The following CHD6 variants were observed in gnomAD, a reference collection of about 807,000 sequenced individuals.
CHD6 encodes the protein chromodomain helicase DNA binding protein 6.
In CHD6, 50 loss-of-function variants were observed where a neutral mutation model predicts 276.9. The observed-to-expected ratio is 0.18, with a 90% confidence interval of 0.14 to 0.23. The LOEUF is 0.23. CHD6 is among the 10% of genes least tolerant of loss of function. The pLI is 1.00. For missense variants in CHD6, 2,564 were observed against 3,365.8 expected, an observed-to-expected ratio of 0.76 and a Z score of 5.89; for synonymous variants, 1,173 against 1,229.3, an observed-to-expected ratio of 0.95 and a Z score of 0.96.
chr20:41,545,645 G>C (rs570450526), intron 2 of CHD6, among the ~76,000 whole-genome samples: 3 of 152,172 alleles, frequency 2.0e-5, no homozygotes, highest in African/African-American at 7.2e-5. Context: ...CATACTACTA[G>C]TAAACTGAGT....
rs566417993 is a variant in CHD6 at position 41,447,626 on chromosome 20, TTTGAGGGAAATAAAATG to T, written c.3773+239_3773+255del. ...GTTTTAAAAGAAAATTTATAACACT[TTTGAGGGAAATAAAATG>T]AACTAACTCACCAAAAGCTAGGTTT... On this transcript the variant is annotated intron_variant, in intron 24 of 36. Transcript: ENST00000373233. Among the ~76,000 whole-genome samples, 44 of 152,302 alleles carry T rather than the reference TTTGAGGGAAATAAAATG, an allele frequency of 2.9e-4. No individual in the cohort carries two copies. The East Asian group carries it at 5.8e-3, about 20-fold the overall frequency.
At chr20:41,457,502 G>A (rs1430907406) in intron 17 of CHD6, 74 bp from the exon 18 acceptor site, 26 of 1,514,988 alleles carry the variant, frequency 1.7e-5, no homozygotes, top group Non-Finnish European at 2.3e-5. Context: ...ATAGGGGAGT[G>A]CTTAAATGTC....
chr20:41,451,174 G>C (rs1600890348), intron 22 of CHD6, 69 bp from the exon 23 acceptor site: 1 of 1,396,864 alleles, frequency 7.2e-7, no homozygotes. Flanking sequence ...TTTTAGAAGA[G>C]CTGGGCTGGG....
At chr20:41,525,151 G>A (rs2044497408) in intron 3 of CHD6, among the ~76,000 whole-genome samples, 1 of 152,178 alleles carries the variant, frequency 6.6e-6, no homozygotes, top group Non-Finnish European at 1.5e-5. Context: ...CACATGGCAA[G>A]ACTTGTCAAG....
At chr20:41,465,821 CAA>C (rs1463064533) in intron 17 of CHD6, among the ~76,000 whole-genome samples, 1 of 152,058 alleles carries the variant, frequency 6.6e-6, no homozygotes, top group East Asian at 1.9e-4. Flanking sequence ...AAAATGGTTC[CAA>C]AGTCAAATAC....
intron 1 of CHD6, among the ~76,000 whole-genome samples, chr20:41,577,484 C>A (rs187239858): frequency 4.6e-5 from 7 of 152,118 alleles, no homozygotes; most frequent in Non-Finnish European, 1.0e-4. Context: ...AATCTGGGGG[C>A]TATTTCTGCT....
In CHD6 at chr20:41,404,931, T is replaced by C. The variant is rs1191340960; in HGVS notation, c.7810A>G (p.Ser2604Gly). The change falls in exon 37 of 37, where the codon AGT becomes GGT. Residue 2604 changes from serine to glycine, a missense_variant. Coordinates refer to ENST00000373233, the MANE Select transcript of CHD6 (RefSeq NM_032221.5). ...AATGGGTTAAAAGCCACAGGACTAC[T>C]AGTAGTTATTGCAGGTTCAGACTGA... ...SDQSEPAITT[S>G]SPVAFNPFLI... 1 of 1,614,116 alleles carries C rather than the reference T, an allele frequency of 6.2e-7. No homozygotes were observed. Among genetic ancestry groups the C allele is most frequent in the Admixed American group, 1.7e-5 (1 of 60,028 alleles).
intron 17 of CHD6, among the ~76,000 whole-genome samples, chr20:41,462,727 C>T (rs117629411): frequency 0.022 from 3,316 of 152,180 alleles, 50 homozygotes; most frequent in Non-Finnish European, 0.032. Context: ...GAAATAGATA[C>T]GGATATGCAT....
intron 10 of CHD6, among the ~76,000 whole-genome samples, chr20:41,492,689 A>C (rs992168629): frequency 1.3e-5 from 2 of 152,254 alleles, no homozygotes; most frequent in Non-Finnish European, 2.9e-5. Flanking sequence ...TTGGGAGGCC[A>C]AGACAGGCGG....
chr20:41,616,762 C>T (rs1192965299), intron 1 of CHD6, among the ~76,000 whole-genome samples: 1 of 152,132 alleles, frequency 6.6e-6, no homozygotes, highest in African/African-American at 2.4e-5. Context: ...ATCATTTTAT[C>T]AAACACAGAT....
At chr20:41,555,032 G>T (rs1435890287) in intron 1 of CHD6, among the ~76,000 whole-genome samples, 1 of 147,356 alleles carries the variant, frequency 6.8e-6, no homozygotes, top group Admixed American at 6.7e-5. Context: ...CCTCCCTCCC[G>T]GACGGGGCGG....
chr20:41,581,066 C>T (rs559475026), intron 1 of CHD6, among the ~76,000 whole-genome samples: 3 of 152,122 alleles, frequency 2.0e-5, no homozygotes, highest in Non-Finnish European at 2.9e-5. Flanking sequence ...CTGTTAAAGT[C>T]CTTCTACTCA....
chr20:41,566,565 C>T (rs1343147712), intron 1 of CHD6, among the ~76,000 whole-genome samples: 1 of 152,184 alleles, frequency 6.6e-6, no homozygotes, highest in Non-Finnish European at 1.5e-5. Flanking sequence ...ACTGAGGGGA[C>T]CATGTGCAGT....
intron 20 of CHD6, among the ~76,000 whole-genome samples, chr20:41,454,050 G>T (rs11698528): frequency 0.23 from 35,051 of 152,022 alleles, 4,220 homozygotes; most frequent in East Asian, 0.39. Flanking sequence ...CTGGGCACTG[G>T]TGCCAGTTAT....
chr20:41,566,405 G>C (rs970143392), intron 1 of CHD6, among the ~76,000 whole-genome samples: 1 of 152,158 alleles, frequency 6.6e-6, no homozygotes, highest in Non-Finnish European at 1.5e-5. Flanking sequence ...CCCACACAAT[G>C]GTTTGTGTGG....
chr20:41,585,503 C>T (rs1305328464), intron 1 of CHD6, among the ~76,000 whole-genome samples: 1 of 136,246 alleles, frequency 7.3e-6, no homozygotes, highest in South Asian at 2.3e-4. Flanking sequence ...AGTGAAACTC[C>T]GTCTCACCAA....
At chr20:41,596,320 G>A (rs1190481355) in intron 1 of CHD6, among the ~76,000 whole-genome samples, 3 of 152,138 alleles carry the variant, frequency 2.0e-5, no homozygotes, top group Admixed American at 6.5e-5. Context: ...TAGTTTAGAG[G>A]TCAGAAACCT....
Position 41,420,783 on chromosome 20 carries a change from T to G in CHD6, c.5852A>C (p.Glu1951Ala). 2 of 1,614,236 alleles carry G rather than the reference T, an allele frequency of 1.2e-6. No individual in the cohort carries two copies. Among genetic ancestry groups the G allele is most frequent in the Non-Finnish European group, 1.7e-6 (2 of 1,180,046 alleles). ...TTTCTCGATTTCAAATTCATCATTC[T>G]CGAGGCCATGCATCCACCTCTCCAT... ...KHMERWMHGL[E>A]NDEFEIEKPK... Residue 1951 changes from glutamate to alanine, a missense_variant, in exon 31 of 37, where the codon GAG becomes GCG. By Grantham distance (107) the Glu-to-Ala change is moderately radical. Around this residue, in one of 7 missense-constraint regions of CHD6, gnomAD observed 1,024 missense variants for 1,047.9 expected, o/e 0.98. Transcript: ENST00000373233.
At chr20:41,442,512 T>C (rs184411317) in intron 25 of CHD6, among the ~76,000 whole-genome samples, 2 of 152,118 alleles carry the variant, frequency 1.3e-5, no homozygotes, top group Admixed American at 1.3e-4. Flanking sequence ...ACAAAGAAAA[T>C]GGTTGCAGCT....
Sources: gnomAD v4.1 joint callset for allele counts (sites outside exome capture counted in the v4.1 genomes callset) on GRCh38, gnomAD v4.1.1 for gene constraint, gnomAD v4.1.1 regional missense constraint, MANE v1.5 for transcripts, NCBI Gene and HGNC (gene_info 2026-07-23, HGNC 2026-07-21) for gene names.